Variants in MIA2 observed in about 807,000 individuals in gnomAD.
MIA2 encodes the protein melanoma inhibitory activity protein 2.
In MIA2, 127 loss-of-function variants were observed where a neutral mutation model predicts 167.8. That is an observed-to-expected ratio of 0.76 (90% CI 0.66 to 0.88). The LOEUF is 0.88. Among genes scored for constraint, MIA2 ranks in the 40% least tolerant of loss-of-function variants. The probability of loss-of-function intolerance (pLI) is 0.00; values close to 1 mark genes in which losing one functional copy is unlikely to be tolerated. For missense variants in MIA2, 1,690 were observed against 1,624.7 expected (o/e 1.04, Z -0.69); for synonymous variants, 552 against 541.9 (o/e 1.02, Z -0.26).
chr14:39,326,452 T>C (rs911348174), intron 24 of MIA2, among the ~76,000 whole-genome samples: 1 of 152,136 alleles, frequency 6.6e-6, no homozygotes, highest in African/African-American at 2.4e-5. Flanking sequence ...ACTGAGTACA[T>C]TTCCAAAAGA....
intron 13 of MIA2, among the ~76,000 whole-genome samples, chr14:39,296,124 C>A (rs1375763956): frequency 2.0e-5 from 3 of 152,006 alleles, no homozygotes; most frequent in African/African-American, 7.2e-5. Context: ...TCACTTCACC[C>A]CCATCCTAAA....
chr14:39,236,532 C>G (rs557971507), intron 1 of MIA2, among the ~76,000 whole-genome samples: 18 of 152,314 alleles, frequency 1.2e-4, no homozygotes, highest in African/African-American at 4.1e-4. Flanking sequence ...TATGAGAGCA[C>G]TTATCATAAT....
At chr14:39,257,386 T>C (rs2054867337) in intron 6 of MIA2, among the ~76,000 whole-genome samples, 1 of 152,192 alleles carries the variant, frequency 6.6e-6, no homozygotes, top group Non-Finnish European at 1.5e-5. Context: ...GACTGTTTTA[T>C]CAGAGACTAG....
chr14:39,364,862 T>TG (rs2074782918), intron 23 of MIA2, among the ~76,000 whole-genome samples: 1 of 151,708 alleles, frequency 6.6e-6, no homozygotes, highest in South Asian at 2.1e-4. Flanking sequence ...AGATTTTTTT[T>TG]TCTTGTTGTT....
At chr14:39,298,492 T>A (rs1226655122) in intron 13 of MIA2, among the ~76,000 whole-genome samples, 1 of 133,308 alleles carries the variant, frequency 7.5e-6, no homozygotes, top group Admixed American at 8.2e-5. Flanking sequence ...GCCTTAGTTT[T>A]GCGGAGAAAT....
intron 6 of MIA2, chr14:39,267,629 C>T (rs1345789982): frequency 7.5e-7 from 1 of 1,339,724 alleles, no homozygotes; most frequent in South Asian, 1.3e-5. Context: ...GGTCAGAGGT[C>T]CCGAAGCCAG....
intron 4 of MIA2, among the ~76,000 whole-genome samples, chr14:39,249,191 A>G (rs2152630728): frequency 6.6e-6 from 1 of 152,250 alleles, no homozygotes; most frequent in East Asian, 1.9e-4. Context: ...CCTACACTGG[A>G]GTGCAGTGGT....
intron 6 of MIA2, among the ~76,000 whole-genome samples, chr14:39,268,558 C>A (rs775842348): frequency 6.6e-6 from 1 of 152,180 alleles, no homozygotes; most frequent in Admixed American, 6.5e-5. Context: ...GTAAAGTGGG[C>A]TTAGGGAGTG....
intron 8 of MIA2, 31 bp from the exon 9 acceptor site, chr14:39,279,418 A>C: frequency 6.2e-7 from 1 of 1,601,848 alleles, no homozygotes; most frequent in Non-Finnish European, 8.5e-7. Flanking sequence ...ATAATAATTT[A>C]CTCATGGTAA....
intron 22 of MIA2, 63 bp from the exon 23 acceptor site, chr14:39,319,146 C>T: frequency 1.2e-6 from 1 of 838,690 alleles, no homozygotes. Flanking sequence ...TTGGTAGAGG[C>T]ATTTTTTCTT....
At chr14:39,241,881 T>C (rs1045023376) in intron 3 of MIA2, among the ~76,000 whole-genome samples, 1 of 152,118 alleles carries the variant, frequency 6.6e-6, no homozygotes, top group Non-Finnish European at 1.5e-5. Flanking sequence ...CTCCCCTCAC[T>C]CACCATGATC....
At chr14:39,353,161 A>G (rs781497265), downstream of MIA2, among the ~76,000 whole-genome samples, 3 of 152,208 alleles carry the variant, frequency 2.0e-5, no homozygotes, top group East Asian at 1.9e-4. Context: ...GGTATCCACC[A>G]TCTTGAGTAT....
At chr14:39,379,849 CAAAA>C (rs917989771) in intron 23 of MIA2, among the ~76,000 whole-genome samples, 7 of 150,894 alleles carry the variant, frequency 4.6e-5, no homozygotes, top group East Asian at 2.0e-4. Context: ...GACTATGTCT[CAAAA>C]AAAACCCAAA....
At chr14:39,249,016 G>C (rs1052575738) in intron 4 of MIA2, among the ~76,000 whole-genome samples, 4 of 152,158 alleles carry the variant, frequency 2.6e-5, no homozygotes, top group Non-Finnish European at 5.9e-5. Flanking sequence ...TAGGATTACA[G>C]GTGTGAGCCA....
intron 23 of MIA2, chr14:39,385,550 AT>A (rs1365192481): frequency 1.2e-6 from 1 of 826,736 alleles, no homozygotes; most frequent in Non-Finnish European, 2.2e-6. Context: ...ACCAAATCAA[AT>A]TTCCCAGGTT....
chr14:39,298,443 A>ATATATATATATATATATATAT (rs1372100362), intron 13 of MIA2, among the ~76,000 whole-genome samples: 1,671 of 49,522 alleles, frequency 0.034, 215 homozygotes, highest in Non-Finnish European at 0.037. Context: ...ATATATATAT[A>ATATATATATATATATATATAT]AAGATTAGTT....
chr14:39,268,796 A>G (rs1367180484), intron 6 of MIA2, among the ~76,000 whole-genome samples: 1 of 152,220 alleles, frequency 6.6e-6, no homozygotes, highest in Non-Finnish European at 1.5e-5. Context: ...ATAGCCTCTA[A>G]GAGCTAAAAT....
At chr14:39,270,196 T>C (rs993663981) in intron 6 of MIA2, among the ~76,000 whole-genome samples, 1 of 129,608 alleles carries the variant, frequency 7.7e-6, no homozygotes, top group Non-Finnish European at 1.6e-5. Flanking sequence ...TTCACTCTGT[T>C]GTGGTTTTTT....
At chr14:39,299,422 C>T (rs1404344640) in intron 13 of MIA2, among the ~76,000 whole-genome samples, 1 of 149,998 alleles carries the variant, frequency 6.7e-6, no homozygotes, top group African/African-American at 2.5e-5. Flanking sequence ...ATTCTCCTGC[C>T]TCAACTTCCT....
Sources: allele counts gnomAD v4.1 joint callset (sites outside exome capture counted in the v4.1 genomes callset), GRCh38; gene constraint gnomAD v4.1.1; transcripts MANE v1.5; gene names NCBI Gene and HGNC (gene_info 2026-07-23, HGNC 2026-07-21).